The following PDE7B variants were observed in gnomAD, a reference collection of about 807,000 sequenced individuals.
PDE7B encodes phosphodiesterase 7B.
In PDE7B, 29 loss-of-function variants were observed where a neutral mutation model predicts 56.2. The observed-to-expected ratio is 0.52, with a 90% CI of 0.38 to 0.70. The LOEUF is 0.70. Ranked by LOEUF, PDE7B falls within the 30% of genes least tolerant of loss-of-function variation. PDE7B has a pLI of 0.00. For synonymous variants in PDE7B, 197 were observed against 196.9 expected, an observed-to-expected ratio of 1.00 and a Z score of 0.00; for missense variants, 490 against 565.0, an observed-to-expected ratio of 0.87 and a Z score of 1.35.
intron 2 of PDE7B, among the ~76,000 whole-genome samples, chr6:135,958,365 A>AGAG (rs1774837646): frequency 1.3e-5 from 2 of 152,312 alleles, no homozygotes; most frequent in Non-Finnish European, 2.9e-5. Context: ...ATCAAACTGT[A>AGAG]CTTTTTAAAA....
intron 1 of PDE7B, among the ~76,000 whole-genome samples, chr6:135,880,286 C>T (rs116524786): frequency 1.4e-4 from 21 of 152,254 alleles, no homozygotes; most frequent in African/African-American, 3.6e-4. Context: ...GGGAAGTCTC[C>T]GCTTGGGGCC....
At chr6:136,012,244 C>T (rs1218603342) in intron 2 of PDE7B, among the ~76,000 whole-genome samples, 1 of 152,138 alleles carries the variant, frequency 6.6e-6, no homozygotes, top group Non-Finnish European at 1.5e-5. Context: ...AGGCTCCCTT[C>T]TTCCTAGGCT....
At chr6:136,015,778 T>C (rs1775968355) in intron 2 of PDE7B, among the ~76,000 whole-genome samples, 1 of 152,160 alleles carries the variant, frequency 6.6e-6, no homozygotes, top group Non-Finnish European at 1.5e-5. Flanking sequence ...TTTTCATCTT[T>C]TCTGGGAATA....
chr6:135,946,818 C>T (rs1020818930), intron 1 of PDE7B, among the ~76,000 whole-genome samples: 1 of 152,050 alleles, frequency 6.6e-6, no homozygotes, highest in Non-Finnish European at 1.5e-5. Context: ...TCAATATACT[C>T]ATCATACAAC....
chr6:135,992,183 C>A (rs1416273810), intron 2 of PDE7B, among the ~76,000 whole-genome samples: 1 of 148,660 alleles, frequency 6.7e-6, no homozygotes, highest in African/African-American at 2.5e-5. Context: ...ACATAAAATA[C>A]ACTAATACTA....
At chr6:136,177,083 T>A (rs779695701) in intron 9 of PDE7B, among the ~76,000 whole-genome samples, 22 of 151,126 alleles carry the variant, frequency 1.5e-4, no homozygotes, top group Non-Finnish European at 2.4e-4. Context: ...GTAGGGAAAT[T>A]TTCATCAGAG....
At chr6:135,899,471 G>A (rs1037560314) in intron 1 of PDE7B, among the ~76,000 whole-genome samples, 1 of 151,010 alleles carries the variant, frequency 6.6e-6, no homozygotes, top group Non-Finnish European at 1.5e-5. Flanking sequence ...TAAACTTGCA[G>A]TTAGATAAGT....
At chr6:135,903,523 G>A (rs894641292) in intron 1 of PDE7B, among the ~76,000 whole-genome samples, 5 of 152,160 alleles carry the variant, frequency 3.3e-5, no homozygotes, top group East Asian at 3.9e-4. Flanking sequence ...TTGTTTAGGG[G>A]TAATGTCAAC....
At chr6:135,933,768 G>A (rs1307624403) in intron 1 of PDE7B, among the ~76,000 whole-genome samples, 4 of 152,126 alleles carry the variant, frequency 2.6e-5, no homozygotes, top group Admixed American at 6.5e-5. Context: ...GATTTACTAG[G>A]AAGCTAATGA....
chr6:135,909,252 CAG>C (rs886439144), intron 1 of PDE7B, among the ~76,000 whole-genome samples: 1 of 152,136 alleles, frequency 6.6e-6, no homozygotes, highest in African/African-American at 2.4e-5. Flanking sequence ...GAAGGGATCT[CAG>C]AGGTGTGGTG....
chr6:136,016,638 T>C (rs1775982727), intron 2 of PDE7B, among the ~76,000 whole-genome samples: 1 of 152,136 alleles, frequency 6.6e-6, no homozygotes, highest in Non-Finnish European at 1.5e-5. Flanking sequence ...CCAGCTGAGA[T>C]CTGCTCCGGA....
chr6:136,173,842 A>G lies in PDE7B; in HGVS notation c.757A>G (p.Met253Val). 6.2e-7 allele frequency: 1 copy of G among 1,613,128 alleles called. No homozygotes were observed. Among genetic ancestry groups the G allele is most frequent in the Non-Finnish European group, 8.5e-7 (1 of 1,179,232 alleles). Residue 253 changes from methionine (M) to valine (V), a missense_variant, in exon 9 of 13, where the codon ATG (methionine) becomes GTG (valine). Transcript: ENST00000308191. ...ENHHWRSTIG[M>V]LRESRLLAHL... ...TCATCACTGGCGATCTACAATTGGCATGCTTCGAGAATCAAGGCTTCTTGC... is the reference window on the plus strand; with the variant it reads ...TCATCACTGGCGATCTACAATTGGCGTGCTTCGAGAATCAAGGCTTCTTGC...
At chr6:136,052,388 G>T (rs987380101) in intron 2 of PDE7B, among the ~76,000 whole-genome samples, 1 of 152,226 alleles carries the variant, frequency 6.6e-6, no homozygotes, top group Admixed American at 6.5e-5. Context: ...AGGACTGTCA[G>T]TCTGGTACTG....
chr6:136,053,331 AG>A (rs2128211513), intron 2 of PDE7B, among the ~76,000 whole-genome samples: 1 of 151,214 alleles, frequency 6.6e-6, no homozygotes, highest in East Asian at 2.0e-4. Flanking sequence ...TCCTTGCAAT[AG>A]TTTGCTGAGA....
At chr6:136,128,210 G>C (rs1390413741) in intron 3 of PDE7B, among the ~76,000 whole-genome samples, 4 of 152,158 alleles carry the variant, frequency 2.6e-5, no homozygotes, top group African/African-American at 4.8e-5. Context: ...TGCAAATCAA[G>C]TATGCCCTAT....
intron 3 of PDE7B, among the ~76,000 whole-genome samples, chr6:136,132,422 A>G (rs147043218): frequency 2.0e-5 from 3 of 152,300 alleles, no homozygotes; most frequent in Non-Finnish European, 4.4e-5. Flanking sequence ...TGAGCAGAGC[A>G]TCATCTTCAA....
At chr6:135,989,885 T>C (rs2128205055) in intron 2 of PDE7B, among the ~76,000 whole-genome samples, 1 of 152,236 alleles carries the variant, frequency 6.6e-6, no homozygotes, top group African/African-American at 2.4e-5. Context: ...GAAACTCAAA[T>C]TCAATTTGAA....
intron 2 of PDE7B, chr6:136,038,023 G>A (rs1447790331): frequency 7.6e-7 from 1 of 1,315,286 alleles, no homozygotes. Flanking sequence ...TTTCTCACCA[G>A]AGAGAAACCT....
chr6:135,925,532 T>A (rs1360971531), intron 1 of PDE7B, among the ~76,000 whole-genome samples: 1 of 152,148 alleles, frequency 6.6e-6, no homozygotes, highest in Non-Finnish European at 1.5e-5. Context: ...TTTTGAGAAC[T>A]ATTTCACTAG....
Sources: allele counts gnomAD v4.1 joint callset (sites outside exome capture counted in the v4.1 genomes callset), GRCh38; gene constraint gnomAD v4.1.1; transcripts MANE v1.5; gene names NCBI Gene and HGNC (gene_info 2026-07-23, HGNC 2026-07-21).